The following ANO10 variants were observed in gnomAD, a reference collection of about 807,000 sequenced individuals.
The protein encoded by ANO10 is anoctamin 10.
Under a neutral mutation model 74.7 loss-of-function variants are expected in ANO10, and 77 were observed. The ratio of observed to expected loss-of-function variants is 1.03; its 90% CI spans 0.86 to 1.25. The LOEUF (loss-of-function observed/expected upper bound fraction) is 1.25, where lower values mean the gene tolerates loss of function less well. Ranked by LOEUF, ANO10 falls within the 50% of genes most tolerant of loss-of-function variation. ANO10 has a pLI of 0.00. For missense variants in ANO10, 721 were observed against 778.1 expected (o/e 0.93, Z 0.87); for synonymous variants, 279 against 284.9 (o/e 0.98, Z 0.21).
intron 1 of ANO10, among the ~76,000 whole-genome samples, chr3:43,627,495 C>A (rs1428141488): frequency 6.6e-6 from 1 of 152,236 alleles, no homozygotes; most frequent in Non-Finnish European, 1.5e-5. Context: ...CTGCCACAGT[C>A]ACTACTGCTT....
chr3:43,439,724 T>C (rs2093130752), intron 11 of ANO10, among the ~76,000 whole-genome samples: 1 of 151,440 alleles, frequency 6.6e-6, no homozygotes, highest in Non-Finnish European at 1.5e-5. Flanking sequence ...ACAAAAAAAA[T>C]ACAGAATTTA....
intron 5 of ANO10, among the ~76,000 whole-genome samples, chr3:43,578,389 C>CA (rs2081109561): frequency 6.6e-6 from 1 of 152,142 alleles, no homozygotes; most frequent in East Asian, 1.9e-4. Context: ...CCAGCGACCC[C>CA]AAATCCACTA....
chr3:43,672,877 G>A (rs569315608), intron 1 of ANO10, among the ~76,000 whole-genome samples: 2 of 152,264 alleles, frequency 1.3e-5, no homozygotes, highest in South Asian at 4.1e-4. Flanking sequence ...GACAATTTCT[G>A]TGGTATAAAT....
intron 1 of ANO10, among the ~76,000 whole-genome samples, chr3:43,620,904 C>T (rs906379924): frequency 6.6e-6 from 1 of 152,244 alleles, no homozygotes; most frequent in African/African-American, 2.4e-5. Flanking sequence ...CTTTCAGCAA[C>T]AGCTGTTCAG....
intron 4 of ANO10, among the ~76,000 whole-genome samples, chr3:43,587,441 T>C (rs2081530215): frequency 6.6e-6 from 1 of 152,036 alleles, no homozygotes; most frequent in South Asian, 2.1e-4. Context: ...ATAACACCAA[T>C]GAGGACTCAT....
chr3:43,690,933 G>A lies in ANO10; in HGVS notation c.-12+584C>T. Reference sequence around the variant, plus strand: ...CTTAAGTGCCGCGCCAGCCCGGGGCGGCCCAGTCGGCCTGTCAGCCGGCTT... The same window carrying A: ...CTTAAGTGCCGCGCCAGCCCGGGGCAGCCCAGTCGGCCTGTCAGCCGGCTT... On this transcript the variant is annotated intron_variant, in intron 1 of 3. Transcript: ENST00000413397. 4 of 1,526,150 alleles carry A rather than the reference G, an allele frequency of 2.6e-6. No homozygotes were observed. The South Asian group carries it at 3.6e-5, about 14-fold the overall frequency. 94.5% of individuals were successfully genotyped at this position (1,526,150 alleles called of 1,614,324 possible).
At chr3:43,548,765 T>C (rs1366570491) in intron 11 of ANO10, among the ~76,000 whole-genome samples, 1 of 152,150 alleles carries the variant, frequency 6.6e-6, no homozygotes. Context: ...CAACTATAAT[T>C]ACAAGCAACA....
chr3:43,687,146 G>T (rs1355588334), intron 1 of ANO10, among the ~76,000 whole-genome samples: 1 of 151,878 alleles, frequency 6.6e-6, no homozygotes, highest in Non-Finnish European at 1.5e-5. Flanking sequence ...TTTTATTACA[G>T]CATTTCTTTA....
chr3:43,579,221 A>T (rs1349421200), intron 5 of ANO10, among the ~76,000 whole-genome samples: 1 of 152,268 alleles, frequency 6.6e-6, no homozygotes, highest in Admixed American at 6.5e-5. Context: ...ATAAATTAAT[A>T]ATTATTCTTA....
chr3:43,520,157 T>TA (rs1320354101), intron 11 of ANO10, among the ~76,000 whole-genome samples: 2 of 152,156 alleles, frequency 1.3e-5, no homozygotes, highest in African/African-American at 4.8e-5. Flanking sequence ...GCCTGGTCCA[T>TA]ACAACTTTCC....
chr3:43,578,058 G>GT (rs1025855114), intron 5 of ANO10, among the ~76,000 whole-genome samples: 2 of 152,162 alleles, frequency 1.3e-5, no homozygotes, highest in African/African-American at 4.8e-5. Context: ...AAGTGTGACA[G>GT]TTGGTGTTAT....
intron 1 of ANO10, among the ~76,000 whole-genome samples, chr3:43,671,327 T>C (rs1480809553): frequency 6.6e-6 from 1 of 152,150 alleles, no homozygotes; most frequent in Non-Finnish European, 1.5e-5. Flanking sequence ...AAGACAGGAC[T>C]AATCCCAGTC....
intron 12 of ANO10, among the ~76,000 whole-genome samples, chr3:43,382,670 T>G (rs2092001941): frequency 6.6e-6 from 1 of 152,052 alleles, no homozygotes; most frequent in South Asian, 2.1e-4. Flanking sequence ...CCAAATAAGC[T>G]TAATTAGAAA....
rs759676008 is a variant in ANO10, at chr3:43,366,957, G to A, written c.1932C>T (p.Thr644=). The change falls in exon 13 of 13, where the codon ACC becomes ACT. Residue 644 remains threonine, a synonymous_variant. Coordinates refer to ENST00000292246, the MANE Select transcript of ANO10 (RefSeq NM_018075.5). ...CCATTGGTTCCTCCTTCAGGTTCTCGGTCACGAGCTTCATTTGCTGTTAAG... is the reference window on the plus strand; with the variant it reads ...CCATTGGTTCCTCCTTCAGGTTCTCAGTCACGAGCTTCATTTGCTGTTAAG... ...ALKQQQMKLV[T]ENLKEEPMES... 38 of 1,601,910 alleles carry A rather than the reference G, an allele frequency of 2.4e-5. No homozygotes were observed. The East Asian group carries it at 3.6e-4, about 15-fold the overall frequency.
chr3:43,485,307 C>G (rs888733224), intron 11 of ANO10: 1 of 562,214 alleles, frequency 1.8e-6, no homozygotes, highest in East Asian at 3.4e-5. Context: ...CTGCTGACTT[C>G]CATACCTCCG....
At chr3:43,398,826 ATC>A (rs2092428603) in intron 12 of ANO10, among the ~76,000 whole-genome samples, 2 of 152,286 alleles carry the variant, frequency 1.3e-5, no homozygotes, top group Non-Finnish European at 2.9e-5. Flanking sequence ...GGATAATAGT[ATC>A]TATCTCATAG....
At chr3:43,401,566 T>C (rs183721712) in intron 12 of ANO10, among the ~76,000 whole-genome samples, 124 of 152,364 alleles carry the variant, frequency 8.1e-4, no homozygotes, top group Admixed American at 3.1e-3. Flanking sequence ...AGTGGTTTCA[T>C]GGTTCAATTT....
At chr3:43,564,518 T>G (rs1173770361) in intron 8 of ANO10, among the ~76,000 whole-genome samples, 1 of 152,210 alleles carries the variant, frequency 6.6e-6, no homozygotes, top group Non-Finnish European at 1.5e-5. Flanking sequence ...AAACTATAAT[T>G]ATCCTATATG....
At chr3:43,512,288 A>G (rs1203148429) in intron 11 of ANO10, among the ~76,000 whole-genome samples, 2 of 152,200 alleles carry the variant, frequency 1.3e-5, no homozygotes, top group African/African-American at 4.8e-5. Flanking sequence ...TGAGAGAGCA[A>G]TATCTCAGGG....
Sources: gnomAD v4.1 joint callset for allele counts (sites outside exome capture counted in the v4.1 genomes callset) on GRCh38, gnomAD v4.1.1 for gene constraint, MANE v1.5 for transcripts, NCBI Gene and HGNC (gene_info 2026-07-23, HGNC 2026-07-21) for gene names.